ARHGAP17: variants seen among roughly 807,000 people sequenced by gnomAD.
ARHGAP17 encodes the protein Rho GTPase activating protein 17.
A neutral mutation model predicts 99.5 loss-of-function variants in ARHGAP17; 57 were observed. The observed-to-expected ratio is 0.57, with a 90% confidence interval of 0.46 to 0.71. ARHGAP17 has a LOEUF of 0.71. Among genes scored for constraint, ARHGAP17 ranks in the 30% least tolerant of loss-of-function variants. The pLI is 0.00. For synonymous variants in ARHGAP17, 417 were observed against 429.6 expected (o/e 0.97, Z 0.36); for missense variants, 1,000 against 1,122.4 (o/e 0.89, Z 1.56).
chr16:24,978,960 TG>T lies in ARHGAP17; in HGVS notation c.93+5del. On this transcript the variant is annotated splice_donor_5th_base_variant and intron_variant, in intron 2 of 19. Transcript: ENST00000289968. ...AGATCATTTAAAGGAGACTATATTT[TG>T]TTACCTGTAATAGATCTTCACTAAG... The T allele has an allele frequency of 6.3e-7, 1 of 1,585,628 alleles. No homozygotes were observed. The highest frequency in any genetic ancestry group is 1.2e-5 in the South Asian group (1 of 85,022).
At chr16:24,982,964 TCA>T (rs1491465019) in intron 1 of ARHGAP17, among the ~76,000 whole-genome samples, 4 of 47,308 alleles carry the variant, frequency 8.5e-5, no homozygotes, top group Non-Finnish European at 1.6e-4. Flanking sequence ...ACTTGATAAA[TCA>T]TATATATATA....
intron 19 of ARHGAP17, among the ~76,000 whole-genome samples, chr16:24,930,420 T>C (rs1255346132): frequency 6.6e-6 from 1 of 152,202 alleles, no homozygotes; most frequent in Non-Finnish European, 1.5e-5. Flanking sequence ...TAAAAGCCAT[T>C]ATGTTGAGAA....
intron 19 of ARHGAP17, chr16:24,927,709 T>C: frequency 8.2e-7 from 1 of 1,223,804 alleles, no homozygotes; most frequent in Non-Finnish European, 1.1e-6. Flanking sequence ...TCTCAGTTCT[T>C]ACTGAATATG....
At chr16:24,979,156 G>A (rs1196685942) in intron 1 of ARHGAP17, 151 bp from the exon 2 acceptor site, 2 of 593,596 alleles carry the variant, frequency 3.4e-6, no homozygotes, top group East Asian at 6.4e-5. Flanking sequence ...TTTTACATCA[G>A]AGAGCAATTT....
intron 12 of ARHGAP17, among the ~76,000 whole-genome samples, chr16:24,951,313 C>T (rs1017175482): frequency 1.3e-5 from 2 of 152,156 alleles, no homozygotes; most frequent in Non-Finnish European, 2.9e-5. Context: ...CCTCAGTTTC[C>T]TCTCTGTAAA....
At chr16:24,984,682 C>A (rs538157812) in intron 1 of ARHGAP17, among the ~76,000 whole-genome samples, 10 of 151,644 alleles carry the variant, frequency 6.6e-5, no homozygotes, top group Non-Finnish European at 1.3e-4. Context: ...AAGAAATACA[C>A]ACTGAATGAA....
intron 17 of ARHGAP17, among the ~76,000 whole-genome samples, chr16:24,937,089 C>T (rs1200272575): frequency 2.1e-5 from 3 of 145,838 alleles, no homozygotes; most frequent in Non-Finnish European, 4.4e-5. Context: ...TGCCCTCCAG[C>T]GTGGGTGACA....
chr16:24,996,817 G>A (rs1310356325), intron 1 of ARHGAP17, among the ~76,000 whole-genome samples: 1 of 152,134 alleles, frequency 6.6e-6, no homozygotes, highest in Non-Finnish European at 1.5e-5. Flanking sequence ...CTGGCATGGT[G>A]GCTCACACCT....
chr16:24,941,514 A>G (rs1272864103), intron 16 of ARHGAP17, among the ~76,000 whole-genome samples: 1 of 152,202 alleles, frequency 6.6e-6, no homozygotes, highest in Non-Finnish European at 1.5e-5. Flanking sequence ...TTCCCACTGA[A>G]CATCAAATTC....
intron 12 of ARHGAP17, among the ~76,000 whole-genome samples, chr16:24,951,647 C>T (rs2051648203): frequency 6.6e-6 from 1 of 152,164 alleles, no homozygotes; most frequent in Admixed American, 6.5e-5. Flanking sequence ...AGATGATCCA[C>T]TTCCCCTTAA....
chr16:24,988,418 T>A (rs974725414), intron 1 of ARHGAP17, among the ~76,000 whole-genome samples: 2 of 152,216 alleles, frequency 1.3e-5, no homozygotes, highest in African/African-American at 4.8e-5. Flanking sequence ...GAAAATATTT[T>A]GGCAATGACG....
rs540533469 is a variant in ARHGAP17, at chr16:24,929,576, C to T, written c.2515+1208G>A. 2.2e-4 allele frequency: 219 copies of T among 987,022 alleles called. 3 individuals are homozygous for T. The South Asian group carries it at 8.7e-3, about 39-fold the overall frequency. 61.1% of individuals were successfully genotyped at this position (987,022 alleles called of 1,614,324 possible). A position where few individuals can be genotyped will look rare whatever the true frequency, so the allele number is the denominator to read the frequency against. On this transcript the variant is annotated intron_variant, in intron 19 of 19. Transcript: ENST00000289968. ...AGCAGGAGCATTTGGAGCTGTGGGG[C>T]GAGCTATGGGGCAAGCTGCTCGGGG...
At position 24,939,543 on chromosome 16, in the gene ARHGAP17, A is replaced by G. The variant is rs571224945; in HGVS notation, c.1545T>C (p.Asn515=). 6.2e-7 allele frequency: 1 copy of G among 1,607,920 alleles called. No homozygotes were observed. Among genetic ancestry groups the G allele is most frequent in the South Asian group, 1.1e-5 (1 of 89,684 alleles). Residue 515 remains asparagine, a synonymous_variant, in exon 17 of 20, where the codon AAT becomes AAC. Transcript: ENST00000289968. ...FQAHRRGGTL[N]RKHISPAFQP... ...GGAAAGCGGGGGATATGTGCTTTCT[A>G]TTTAGAGTGCCACCCCGCCGGTGGG...
At chr16:24,985,958 C>T (rs2052853891) in intron 1 of ARHGAP17, among the ~76,000 whole-genome samples, 1 of 152,148 alleles carries the variant, frequency 6.6e-6, no homozygotes, top group Non-Finnish European at 1.5e-5. Context: ...GTACATTAAC[C>T]TATTCTGTGG....
At chr16:24,962,047 G>A (rs934366679) in intron 7 of ARHGAP17, among the ~76,000 whole-genome samples, 1 of 149,322 alleles carries the variant, frequency 6.7e-6, no homozygotes, top group Non-Finnish European at 1.5e-5. Flanking sequence ...TCCCATTTAT[G>A]ACAAAAACTT....
intron 1 of ARHGAP17, among the ~76,000 whole-genome samples, chr16:25,006,005 T>TG (rs2053494796): frequency 6.6e-6 from 1 of 152,098 alleles, no homozygotes; most frequent in Non-Finnish European, 1.5e-5. Flanking sequence ...GAATTCATCA[T>TG]GAAAAAGTAA....
Position 24,931,364 on chromosome 16 carries a change from G to A in ARHGAP17, c.1935C>T (p.Asn645=). ...KPAPAPPKPG[N]PPPGHPGGQS... ...GGCCCCCGGGGTGGCCAGGAGGTGG[G>A]TTGCCCGGTTTCGGGGGTGCTGGAG... Residue 645 remains asparagine (N), a synonymous_variant, in exon 19 of 20, where the codon AAC becomes AAT. Transcript: ENST00000289968. The A allele has an allele frequency of 6.6e-7, 1 of 1,514,068 alleles. No homozygotes were observed. Among genetic ancestry groups the A allele is most frequent in the Non-Finnish European group, 8.8e-7 (1 of 1,134,308 alleles). 93.8% of individuals were successfully genotyped at this position (1,514,068 alleles called of 1,614,324 possible).
At chr16:25,003,052 A>C (rs1315606008) in intron 1 of ARHGAP17, among the ~76,000 whole-genome samples, 1 of 151,148 alleles carries the variant, frequency 6.6e-6, no homozygotes, top group East Asian at 2.0e-4. Flanking sequence ...AAAAAAAAAA[A>C]AAAAAAAAGA....
At chr16:24,999,945 T>A (rs189358512) in intron 1 of ARHGAP17, among the ~76,000 whole-genome samples, 5 of 152,312 alleles carry the variant, frequency 3.3e-5, no homozygotes, top group Admixed American at 3.3e-4. Flanking sequence ...CACTGTCTCA[T>A]GACGCCTCCC....
Sources: gnomAD v4.1 joint callset for allele counts (sites outside exome capture counted in the v4.1 genomes callset) on GRCh38, gnomAD v4.1.1 for gene constraint, MANE v1.5 for transcripts, NCBI Gene and HGNC (gene_info 2026-07-23, HGNC 2026-07-21) for gene names.